The following B4GALT5 variants were observed in gnomAD, a reference collection of about 807,000 sequenced individuals.
B4GALT5 encodes the protein UDP-Gal:beta-GlcNAc beta-1,4-galactosyltransferase 5.
A neutral mutation model predicts 45.0 loss-of-function variants in B4GALT5; 11 were observed. That is an observed-to-expected ratio of 0.24 (90% CI 0.15 to 0.40). The LOEUF is 0.40. Among genes scored for constraint, B4GALT5 ranks in the 10% least tolerant of loss-of-function variants. The pLI is 1.00. For synonymous variants in B4GALT5, 185 were observed against 182.9 expected, an observed-to-expected ratio of 1.01 and a Z score of -0.09; for missense variants, 337 against 500.2, an observed-to-expected ratio of 0.67 and a Z score of 3.11.
chr20:49,703,374 A>G (rs1435342633), intron 1 of B4GALT5, among the ~76,000 whole-genome samples: 1 of 152,144 alleles, frequency 6.6e-6, no homozygotes, highest in East Asian at 1.9e-4. Context: ...CCTTTCCCCA[A>G]AGTAAATGCA....
intron 1 of B4GALT5, among the ~76,000 whole-genome samples, chr20:49,689,111 A>G (rs2085799296): frequency 6.6e-6 from 1 of 152,218 alleles, no homozygotes; most frequent in Non-Finnish European, 1.5e-5. Context: ...GCCTGAGAAA[A>G]TGTCTCAGCA....
intron 1 of B4GALT5, among the ~76,000 whole-genome samples, chr20:49,703,726 T>TA (rs754947222): frequency 7.4e-3 from 387 of 52,156 alleles, no homozygotes; most frequent in African/African-American, 0.026. Flanking sequence ...GCATTTCTAC[T>TA]AAAAAAAAAA....
chr20:49,701,815 CTG>C (rs2085863159), intron 1 of B4GALT5, among the ~76,000 whole-genome samples: 1 of 152,116 alleles, frequency 6.6e-6, no homozygotes. Flanking sequence ...TGGCTCATGC[CTG>C]TAATCCCAGC....
chr20:49,696,298 G>T (rs1206875915), intron 1 of B4GALT5, among the ~76,000 whole-genome samples: 1 of 152,032 alleles, frequency 6.6e-6, no homozygotes, highest in East Asian at 1.9e-4. Context: ...ATCAAAGAAA[G>T]AAAAAAACTA....
chr20:49,688,166 G>A (rs2085794690), intron 1 of B4GALT5, among the ~76,000 whole-genome samples: 1 of 152,062 alleles, frequency 6.6e-6, no homozygotes, highest in African/African-American at 2.4e-5. Flanking sequence ...TAGAGACAAG[G>A]GCCTAGGATT....
At chr20:49,694,314 A>G (rs538970066) in intron 1 of B4GALT5, among the ~76,000 whole-genome samples, 41 of 152,110 alleles carry the variant, frequency 2.7e-4, no homozygotes, top group African/African-American at 9.6e-4. Flanking sequence ...ATAACTTTTG[A>G]AAGTTATAGT....
intron 1 of B4GALT5, among the ~76,000 whole-genome samples, chr20:49,697,700 GTGCTTA>G (rs1227345908): frequency 1.3e-5 from 2 of 151,666 alleles, no homozygotes; most frequent in Non-Finnish European, 2.9e-5. Flanking sequence ...GCCTAAACCT[GTGCTTA>G]TGTTCCATTC....
intron 1 of B4GALT5, among the ~76,000 whole-genome samples, chr20:49,696,581 A>G (rs2085840450): frequency 6.6e-6 from 1 of 152,214 alleles, no homozygotes; most frequent in Non-Finnish European, 1.5e-5. Flanking sequence ...AGAGATTGTA[A>G]AAGATTATTC....
intron 1 of B4GALT5, among the ~76,000 whole-genome samples, chr20:49,674,573 G>A (rs986040242): frequency 6.6e-6 from 1 of 151,702 alleles, no homozygotes; most frequent in Admixed American, 6.6e-5. Context: ...GCCAGCCGCA[G>A]GACTGCTCAT....
intron 1 of B4GALT5, among the ~76,000 whole-genome samples, chr20:49,679,157 A>G (rs2085753640): frequency 6.6e-6 from 1 of 152,202 alleles, no homozygotes; most frequent in South Asian, 2.1e-4. Flanking sequence ...GAAATGGCCT[A>G]AAAGTCTACT....
intron 2 of B4GALT5, among the ~76,000 whole-genome samples, chr20:49,650,384 C>T (rs2085616588): frequency 6.7e-6 from 1 of 149,248 alleles, no homozygotes; most frequent in South Asian, 2.1e-4. Flanking sequence ...CTTGGAAGGC[C>T]AAGGTGGGGT....
chr20:49,662,564 AGC>A (rs1387985870), intron 1 of B4GALT5, among the ~76,000 whole-genome samples: 1 of 152,164 alleles, frequency 6.6e-6, no homozygotes, highest in Admixed American at 6.5e-5. Flanking sequence ...ATGGATTTCA[AGC>A]CCTTCTCTTT....
intron 2 of B4GALT5, among the ~76,000 whole-genome samples, chr20:49,648,933 T>G (rs944319143): frequency 6.6e-6 from 1 of 152,252 alleles, no homozygotes; most frequent in Non-Finnish European, 1.5e-5. Context: ...TATTAAATCC[T>G]TTTGGATCCA....
intron 1 of B4GALT5, among the ~76,000 whole-genome samples, chr20:49,683,978 T>C (rs182465145): frequency 6.6e-6 from 1 of 151,442 alleles, no homozygotes; most frequent in African/African-American, 2.4e-5. Flanking sequence ...CTGTCTCTAC[T>C]AAAAATACAA....
At chr20:49,649,490 G>C (rs2085612266) in intron 2 of B4GALT5, among the ~76,000 whole-genome samples, 1 of 152,060 alleles carries the variant, frequency 6.6e-6, no homozygotes, top group Non-Finnish European at 1.5e-5. Context: ...TGAGGCAGGA[G>C]GATCACCTGA....
At chr20:49,643,159 GGTAACT>G (rs1206324611) in intron 4 of B4GALT5, among the ~76,000 whole-genome samples, 3 of 152,340 alleles carry the variant, frequency 2.0e-5, no homozygotes, top group Non-Finnish European at 4.4e-5. Flanking sequence ...TGTCAAGCCA[GGTAACT>G]TTGCTTTTTA....
intron 1 of B4GALT5, among the ~76,000 whole-genome samples, chr20:49,695,330 A>G (rs1473823552): frequency 6.6e-6 from 1 of 152,092 alleles, no homozygotes; most frequent in Non-Finnish European, 1.5e-5. Context: ...CCTGGTGCCA[A>G]AAAGGTTGGA....
intron 1 of B4GALT5, among the ~76,000 whole-genome samples, chr20:49,658,201 A>G (rs2085651087): frequency 6.6e-6 from 1 of 152,130 alleles, no homozygotes; most frequent in Admixed American, 6.5e-5. Context: ...TTAAGGAAAA[A>G]AGACAGCTTC....
intron 1 of B4GALT5, among the ~76,000 whole-genome samples, chr20:49,664,881 G>A: frequency 6.6e-6 from 1 of 152,214 alleles, no homozygotes; most frequent in East Asian, 1.9e-4. Context: ...TAAAGCAAAT[G>A]TGACAAAATG....
Sources: allele counts gnomAD v4.1 joint callset (sites outside exome capture counted in the v4.1 genomes callset), GRCh38; gene constraint gnomAD v4.1.1; transcripts MANE v1.5; gene names NCBI Gene and HGNC (gene_info 2026-07-23, HGNC 2026-07-21).